CHSY3: variants seen among roughly 807,000 people sequenced by gnomAD.
CHSY3 encodes N-acetylgalactosaminyl-proteoglycan 3-beta-glucuronosyltransferase 3.
CHSY3 carries 35 observed loss-of-function variants against 67.2 expected under a neutral mutation model. That is an observed-to-expected ratio of 0.52 (90% CI 0.40 to 0.69). The LOEUF (loss-of-function observed/expected upper bound fraction) is 0.69, where lower values mean the gene tolerates loss of function less well. Ranked by LOEUF, CHSY3 falls within the 30% of genes least tolerant of loss-of-function variation. CHSY3 has a pLI of 0.00. For synonymous variants in CHSY3, 474 were observed against 434.7 expected, an observed-to-expected ratio of 1.09 and a Z score of -1.12; for missense variants, 1,069 against 1,138.5, an observed-to-expected ratio of 0.94 and a Z score of 0.88.
In CHSY3 at chr5:129,981,832, GT is replaced by G. The variant is rs550375422; in HGVS notation, c.1086+73479del. On this transcript the variant is annotated intron_variant, in intron 2 of 2. Coordinates refer to ENST00000305031, the MANE Select transcript of CHSY3 (RefSeq NM_175856.5). ...TCACTATGTATAATGCTAGATGTGG[GT>G]TTTTTTGTAGGTATTCTTTATCAAG... Among the ~76,000 whole-genome samples the G allele has an allele frequency of 3.3e-5, 5 of 152,242 alleles. No individual in the cohort carries two copies. The East Asian group carries it at 9.7e-4, about 29-fold the overall frequency.
chr5:130,125,725 A>C (rs1045442982), intron 2 of CHSY3, among the ~76,000 whole-genome samples: 3 of 152,290 alleles, frequency 2.0e-5, no homozygotes, highest in Non-Finnish European at 4.4e-5. Context: ...TTGCCTGTAC[A>C]TCTGTTGACT....
At chr5:130,027,084 G>A (rs1386781681) in intron 2 of CHSY3, among the ~76,000 whole-genome samples, 2 of 152,142 alleles carry the variant, frequency 1.3e-5, no homozygotes, top group Non-Finnish European at 2.9e-5. Context: ...CAAAGGCACT[G>A]TAGTAGCAAA....
chr5:130,167,456 C>T (rs894230229), intron 2 of CHSY3, among the ~76,000 whole-genome samples: 7 of 151,978 alleles, frequency 4.6e-5, no homozygotes, highest in Non-Finnish European at 1.0e-4. Context: ...CTCAATAGGG[C>T]AGAAAGGAAT....
chr5:129,945,668 G>T (rs568777216), intron 2 of CHSY3, among the ~76,000 whole-genome samples: 1 of 152,122 alleles, frequency 6.6e-6, no homozygotes, highest in Non-Finnish European at 1.5e-5. Context: ...TATGGAAGGA[G>T]ACAGACGGGT....
chr5:130,025,493 C>T (rs1028062123), intron 2 of CHSY3, among the ~76,000 whole-genome samples: 4 of 152,054 alleles, frequency 2.6e-5, no homozygotes, highest in Non-Finnish European at 5.9e-5. Context: ...AAAGAAGCCA[C>T]GGAATCAAAG....
chr5:130,176,387 C>T (rs1204402865), intron 2 of CHSY3, among the ~76,000 whole-genome samples: 2 of 152,252 alleles, frequency 1.3e-5, no homozygotes, highest in African/African-American at 4.8e-5. Context: ...AATAAGAATG[C>T]TTTTACACTA....
At chr5:129,960,594 T>C (rs1257101732) in intron 2 of CHSY3, among the ~76,000 whole-genome samples, 2 of 152,056 alleles carry the variant, frequency 1.3e-5, no homozygotes, top group African/African-American at 2.4e-5. Flanking sequence ...CCAACTTTGA[T>C]TTTAATTAGA....
intron 2 of CHSY3, among the ~76,000 whole-genome samples, chr5:130,099,223 T>A (rs918849444): frequency 1.3e-5 from 2 of 152,236 alleles, no homozygotes; most frequent in African/African-American, 4.8e-5. Flanking sequence ...ATGGAATAAT[T>A]ACGTGGAAGT....
chr5:130,049,002 C>T (rs1765240272), intron 2 of CHSY3, among the ~76,000 whole-genome samples: 1 of 152,034 alleles, frequency 6.6e-6, no homozygotes, highest in African/African-American at 2.4e-5. Context: ...CACACAGACA[C>T]ACACGCACAC....
chr5:130,095,075 A>G (rs1767000647), intron 2 of CHSY3, among the ~76,000 whole-genome samples: 1 of 152,124 alleles, frequency 6.6e-6, no homozygotes, highest in Non-Finnish European at 1.5e-5. Flanking sequence ...TGTATATACT[A>G]TAATTATATA....
intron 2 of CHSY3, among the ~76,000 whole-genome samples, chr5:130,029,023 CCTT>C (rs1764636666): frequency 6.6e-6 from 1 of 152,194 alleles, no homozygotes; most frequent in African/African-American, 2.4e-5. Flanking sequence ...CTTCTTCCCT[CCTT>C]CTTTCCTGTG....
At chr5:129,999,928 C>T (rs1763670678) in intron 2 of CHSY3, among the ~76,000 whole-genome samples, 1 of 152,116 alleles carries the variant, frequency 6.6e-6, no homozygotes, top group Non-Finnish European at 1.5e-5. Flanking sequence ...ACCCCCTATT[C>T]TTCCTTTCTG....
intron 2 of CHSY3, among the ~76,000 whole-genome samples, chr5:130,170,031 C>T (rs1769856378): frequency 6.6e-6 from 1 of 152,066 alleles, no homozygotes; most frequent in Non-Finnish European, 1.5e-5. Context: ...ATATTAGTTA[C>T]ATGGGTATGT....
At chr5:130,182,085 G>A (rs140549187) in intron 2 of CHSY3, among the ~76,000 whole-genome samples, 2 of 151,978 alleles carry the variant, frequency 1.3e-5, no homozygotes, top group Non-Finnish European at 2.9e-5. Context: ...TAGTTGATAC[G>A]GGTTTTCTCA....
At chr5:130,061,497 A>G (rs996902615) in intron 2 of CHSY3, among the ~76,000 whole-genome samples, 19 of 152,202 alleles carry the variant, frequency 1.2e-4, no homozygotes, top group African/African-American at 4.3e-4. Flanking sequence ...TGGCCTAGGC[A>G]AAGAATTTAT....
intron 2 of CHSY3, among the ~76,000 whole-genome samples, chr5:130,088,176 T>G (rs986800653): frequency 7.2e-5 from 11 of 152,084 alleles, no homozygotes; most frequent in Non-Finnish European, 1.2e-4. Context: ...TGTAGAAAGC[T>G]GAAACTGGAT....
At chr5:129,956,998 G>T (rs1762196163) in intron 2 of CHSY3, among the ~76,000 whole-genome samples, 1 of 151,992 alleles carries the variant, frequency 6.6e-6, no homozygotes, top group African/African-American at 2.4e-5. Context: ...CTAGTTATGT[G>T]AGGAATGTCA....
chr5:130,143,817 T>C lies in CHSY3; in HGVS notation c.1087-40412T>C, dbSNP rs1373367534. Reference sequence around the variant, plus strand: ...ATATATATATATATGTGTGTATATATATATATATATATATATATATATATA... The same window carrying C: ...ATATATATATATATGTGTGTATATACATATATATATATATATATATATATA... On this transcript the variant is annotated intron_variant, in intron 2 of 2. Transcript: ENST00000305031. 5.8e-5 allele frequency among the ~76,000 whole-genome samples: 6 copies of C among 102,974 alleles called. No homozygotes were observed. The South Asian group carries it at 9.5e-4, about 16-fold the overall frequency. The allele number at this position is 102,974 out of a possible 152,430, so 67.6% of individuals were successfully genotyped here. A position where few individuals can be genotyped will look rare whatever the true frequency, so the allele number is the denominator to read the frequency against.
intron 2 of CHSY3, among the ~76,000 whole-genome samples, chr5:130,147,752 A>G (rs1769112952): frequency 6.6e-6 from 1 of 152,210 alleles, no homozygotes; most frequent in Non-Finnish European, 1.5e-5. Context: ...AAAAGCAGGA[A>G]TGAGAGCGAG....
Sources: allele counts gnomAD v4.1 joint callset (sites outside exome capture counted in the v4.1 genomes callset), GRCh38; gene constraint gnomAD v4.1.1; transcripts MANE v1.5; gene names NCBI Gene and HGNC (gene_info 2026-07-23, HGNC 2026-07-21).